PRSS23: variants seen among roughly 807,000 people sequenced by gnomAD.
The protein encoded by PRSS23 is serine protease 23, also known as protease, serine 23.
In PRSS23, 25 loss-of-function variants were observed where a neutral mutation model predicts 34.7. The ratio of observed to expected loss-of-function variants is 0.72; its 90% confidence interval spans 0.53 to 1.01. The LOEUF (loss-of-function observed/expected upper bound fraction) is 1.01, where lower values mean the gene tolerates loss of function less well. Among genes scored for constraint, PRSS23 ranks in the 50% least tolerant of loss-of-function variants. PRSS23 has a pLI of 0.00. For synonymous variants in PRSS23, 176 were observed against 186.6 expected (o/e 0.94, Z 0.46); for missense variants, 445 against 475.6 (o/e 0.94, Z 0.60).
chr11:86,855,562 C>T (rs577279214), intron 2 of PRSS23, among the ~76,000 whole-genome samples: 1 of 152,162 alleles, frequency 6.6e-6, no homozygotes, highest in South Asian at 2.1e-4. Flanking sequence ...GAGGCATGAT[C>T]TTGGCTCACT....
chr11:86,945,351 G>A (rs1235143915), intron 2 of PRSS23, among the ~76,000 whole-genome samples: 1 of 141,660 alleles, frequency 7.1e-6, no homozygotes, highest in African/African-American at 2.7e-5. Context: ...ACAGCCATAT[G>A]CACTGAAAAT....
chr11:86,805,088 A>G (rs28610039), intron 1 of PRSS23, among the ~76,000 whole-genome samples: 1,981 of 152,286 alleles, frequency 0.013, 35 homozygotes, highest in African/African-American at 0.045. Flanking sequence ...AAGGGAGGAG[A>G]GAATGGTGCG....
chr11:86,921,782 GT>G (rs796101019), intron 2 of PRSS23: 16 of 152,338 alleles, frequency 1.1e-4, no homozygotes, highest in African/African-American at 3.8e-4. Flanking sequence ...TTACAGCTTA[GT>G]GGATATTCAT....
At chr11:86,823,722 G>C (rs1000309800) in intron 2 of PRSS23, 1 of 641,504 alleles carries the variant, frequency 1.6e-6, no homozygotes, top group Non-Finnish European at 2.8e-6. Flanking sequence ...AGAATTCAGA[G>C]CAGGCCGGGC....
rs543917911 is a variant in PRSS23 at position 86,829,809 on chromosome 11, C to T, written c.206+6216C>T. Among the ~76,000 whole-genome samples, 69 of 152,300 alleles carry T rather than the reference C, an allele frequency of 4.5e-4. 1 individual carries two copies. The highest frequency in any genetic ancestry group is 1.6e-3 in the African/African-American group (65 of 41,568). On this transcript the variant is annotated intron_variant, in intron 2 of 2. Coordinates refer to the PRSS23 transcript ENST00000533902. ...CGGTGGCTGCAGAACAGGGGATTTT[C>T]GTGAACCACGAATGCTGCTGTCTGA...
chr11:86,868,254 C>G (rs758847288), intron 2 of PRSS23, among the ~76,000 whole-genome samples: 17 of 152,154 alleles, frequency 1.1e-4, no homozygotes, highest in Non-Finnish European at 8.8e-5. Context: ...TGACCATTCT[C>G]TAGTCAACAT....
chr11:86,821,110 T>A (rs546897152), intron 1 of PRSS23: 34 of 495,456 alleles, frequency 6.9e-5, no homozygotes, highest in South Asian at 3.2e-4. Flanking sequence ...ATGTTAATTA[T>A]GTGATCTGTA....
At chr11:86,832,333 A>C (rs1363540600) in intron 2 of PRSS23, among the ~76,000 whole-genome samples, 2 of 152,150 alleles carry the variant, frequency 1.3e-5, no homozygotes, top group African/African-American at 4.8e-5. Context: ...TTTTAGGGAA[A>C]TATGGCTTCT....
At chr11:86,800,099 T>C (rs1192729719), upstream of PRSS23, 2 of 152,298 alleles carry the variant, frequency 1.3e-5, no homozygotes. Context: ...AGTTCTAGGC[T>C]GTTGGGGGAG....
chr11:86,909,788 CCT>C (rs1237814608), intron 2 of PRSS23: 2 of 152,214 alleles, frequency 1.3e-5, no homozygotes, highest in African/African-American at 4.8e-5. Flanking sequence ...AGGCTTGCTC[CCT>C]GTCCTGTGTG....
intron 2 of PRSS23, among the ~76,000 whole-genome samples, chr11:86,871,777 A>G (rs1344334649): frequency 6.6e-6 from 1 of 152,238 alleles, no homozygotes; most frequent in African/African-American, 2.4e-5. Flanking sequence ...GTCAGGAGGT[A>G]ACATTTAAGC....
At chr11:86,884,032 C>G (rs78206425) in intron 2 of PRSS23, among the ~76,000 whole-genome samples, 5 of 152,136 alleles carry the variant, frequency 3.3e-5, no homozygotes, top group Non-Finnish European at 7.4e-5. Flanking sequence ...AAGACAGAAA[C>G]CCTGGAGATA....
intron 2 of PRSS23, among the ~76,000 whole-genome samples, chr11:86,829,146 T>C (rs1187926512): frequency 6.6e-6 from 1 of 152,266 alleles, no homozygotes; most frequent in Non-Finnish European, 1.5e-5. Flanking sequence ...AGATGTAGAT[T>C]TGGTCTTTTC....
At chr11:86,826,154 C>G (rs1302282862) in intron 2 of PRSS23, among the ~76,000 whole-genome samples, 315 of 151,790 alleles carry the variant, frequency 2.1e-3, no homozygotes, top group African/African-American at 7.1e-3. Context: ...CTTTTATTTC[C>G]TTGAGCAGTG....
At chr11:86,866,102 A>C (rs1258902817) in intron 2 of PRSS23, among the ~76,000 whole-genome samples, 1 of 152,204 alleles carries the variant, frequency 6.6e-6, no homozygotes, top group African/African-American at 2.4e-5. Flanking sequence ...GTTGAGGTTC[A>C]GCCTGATCTT....
At chr11:86,848,521 C>G (rs767696071) in intron 2 of PRSS23, among the ~76,000 whole-genome samples, 1 of 152,172 alleles carries the variant, frequency 6.6e-6, no homozygotes, top group Non-Finnish European at 1.5e-5. Context: ...ATGCTATCCA[C>G]CATTACCCAG....
At chr11:86,832,330 G>T (rs918944182) in intron 2 of PRSS23, among the ~76,000 whole-genome samples, 2 of 152,028 alleles carry the variant, frequency 1.3e-5, no homozygotes, top group African/African-American at 4.8e-5. Context: ...ATATTTTAGG[G>T]AAATATGGCT....
At chr11:86,821,112 T>G in intron 1 of PRSS23, 1 of 500,128 alleles carries the variant, frequency 2.0e-6, no homozygotes. Context: ...GTTAATTATG[T>G]GATCTGTACA....
intron 2 of PRSS23, among the ~76,000 whole-genome samples, chr11:86,871,956 G>T (rs1424843203): frequency 6.6e-6 from 1 of 152,222 alleles, no homozygotes; most frequent in Non-Finnish European, 1.5e-5. Context: ...ACATAGGTTG[G>T]TAAACATCTA....
Sources: gnomAD v4.1 joint callset for allele counts (sites outside exome capture counted in the v4.1 genomes callset) on GRCh38, gnomAD v4.1.1 for gene constraint, MANE v1.5 for transcripts, NCBI Gene and HGNC (gene_info 2026-07-23, HGNC 2026-07-21) for gene names.